PDE1C: variants seen among roughly 807,000 people sequenced by gnomAD.
PDE1C encodes the protein phosphodiesterase 1C.
PDE1C carries 62 observed loss-of-function variants against 93.1 expected under a neutral mutation model. The observed-to-expected ratio is 0.67, with a 90% CI of 0.54 to 0.82. The LOEUF (loss-of-function observed/expected upper bound fraction) is 0.82. Ranked by LOEUF, PDE1C falls within the 40% of genes least tolerant of loss-of-function variation. PDE1C has a pLI of 0.00. For synonymous variants in PDE1C, 325 were observed against 310.1 expected (o/e 1.05, Z -0.50); for missense variants, 742 against 884.6 (o/e 0.84, Z 2.04).
At chr7:31,767,361 CT>C (rs1280066984) in intron 17 of PDE1C, among the ~76,000 whole-genome samples, 1 of 152,088 alleles carries the variant, frequency 6.6e-6, no homozygotes, top group East Asian at 1.9e-4. Flanking sequence ...AGATTTCCCC[CT>C]GGTACTGTTC....
intron 14 of PDE1C, among the ~76,000 whole-genome samples, chr7:31,819,465 A>C (rs1788685864): frequency 6.6e-6 from 1 of 152,080 alleles, no homozygotes; most frequent in South Asian, 2.1e-4. Context: ...TATACAGAGA[A>C]TTCACTTTTC....
chr7:32,237,742 G>GTATGTA (rs1554293053), intron 1 of PDE1C, among the ~76,000 whole-genome samples: 1,246 of 31,392 alleles, frequency 0.04, 193 homozygotes, highest in African/African-American at 0.15. Flanking sequence ...TTGGCTCTGT[G>GTATGTA]TATATATATA....
chr7:32,260,866 A>G (rs1178496218), intron 1 of PDE1C, among the ~76,000 whole-genome samples: 1 of 152,240 alleles, frequency 6.6e-6, no homozygotes, highest in East Asian at 1.9e-4. Context: ...CATGCCTGTA[A>G]TCCCAGCACT....
chr7:31,986,120 T>C (rs1386135511), intron 2 of PDE1C, among the ~76,000 whole-genome samples: 3 of 152,160 alleles, frequency 2.0e-5, no homozygotes, highest in Non-Finnish European at 4.4e-5. Flanking sequence ...AAATTTATTC[T>C]TGCACAGTTC....
At chr7:31,897,555 C>A (rs1799462355) in intron 2 of PDE1C, among the ~76,000 whole-genome samples, 1 of 152,166 alleles carries the variant, frequency 6.6e-6, no homozygotes, top group Non-Finnish European at 1.5e-5. Flanking sequence ...TGACATACTT[C>A]ACTTTTACCT....
At chr7:32,006,367 A>G (rs533383763) in intron 2 of PDE1C, among the ~76,000 whole-genome samples, 6 of 152,304 alleles carry the variant, frequency 3.9e-5, no homozygotes, top group Admixed American at 6.5e-5. Context: ...CTTAAAATAG[A>G]AAATCCTCCC....
chr7:31,728,302 T>C, the PDE1C span, among the ~76,000 whole-genome samples: 1 of 152,098 alleles, frequency 6.6e-6, no homozygotes, highest in African/African-American at 2.4e-5. Context: ...ATTTGTCCTC[T>C]GGGAAAGAAA....
chr7:31,754,110 C>A lies in PDE1C; in HGVS notation c.1961-557G>T, dbSNP rs552957928. The stretch of plus-strand genomic sequence containing the variant: ...CAAAACATCTGAACAGACTTCACAC[C>A]AAGGAAGATGTATGTGTCAAATAAG... On this transcript the variant is annotated intron_variant, in intron 17 of 17. Transcript: ENST00000396191. Among the ~76,000 whole-genome samples the A allele has an allele frequency of 7.2e-5, 11 of 152,188 alleles. No homozygotes were observed. In the South Asian group the frequency reaches 2.3e-3, roughly 32 times the overall value.
the PDE1C span, among the ~76,000 whole-genome samples, chr7:31,725,494 T>TAGAC: frequency 6.6e-6 from 1 of 152,180 alleles, no homozygotes; most frequent in Non-Finnish European, 1.5e-5. Context: ...ACCCCAAACA[T>TAGAC]AGACCCTGGG....
intron 2 of PDE1C, among the ~76,000 whole-genome samples, chr7:32,014,643 T>C (rs976100068): frequency 6.6e-6 from 1 of 152,082 alleles, no homozygotes; most frequent in Non-Finnish European, 1.5e-5. Context: ...CCAGTATGTG[T>C]TGTTCCCCTC....
Position 32,143,980 on chromosome 7 carries a change from G to A in PDE1C, c.308+25805C>T, listed in dbSNP as rs144126354. Reference sequence around the variant, plus strand: ...GAAGGCACTGGGGATATCTGACCCAGACCTGGACAGATAAATAGAATGCTG... The same window carrying A: ...GAAGGCACTGGGGATATCTGACCCAAACCTGGACAGATAAATAGAATGCTG... On this transcript the variant is annotated intron_variant, in intron 3 of 18. Coordinates refer to the PDE1C transcript ENST00000396193. 8.2e-3 allele frequency among the ~76,000 whole-genome samples: 1,250 copies of A among 152,282 alleles called. 10 individuals are homozygous for A. Among genetic ancestry groups the A allele is most frequent in the Non-Finnish European group, 0.012 (824 of 68,030 alleles).
At chr7:32,358,855 A>G (rs1784079032) in intron 1 of PDE1C, among the ~76,000 whole-genome samples, 2 of 78,880 alleles carry the variant, frequency 2.5e-5, no homozygotes, top group South Asian at 6.2e-4. Flanking sequence ...TCTCCATAGC[A>G]TACCTCATCA....
At chr7:32,279,728 A>G (rs941419493) in intron 1 of PDE1C, among the ~76,000 whole-genome samples, 3 of 152,158 alleles carry the variant, frequency 2.0e-5, no homozygotes, top group African/African-American at 7.2e-5. Context: ...AAGAGCAAAT[A>G]TAATAATTAT....
At chr7:32,323,615 A>G (rs549584958) in intron 1 of PDE1C, among the ~76,000 whole-genome samples, 1 of 152,198 alleles carries the variant, frequency 6.6e-6, no homozygotes, top group Non-Finnish European at 1.5e-5. Context: ...GCAAATGGAG[A>G]TGTCAACCAC....
intron 17 of PDE1C, among the ~76,000 whole-genome samples, chr7:31,766,941 T>C (rs916555351): frequency 6.6e-6 from 1 of 152,222 alleles, no homozygotes; most frequent in Non-Finnish European, 1.5e-5. Context: ...GCAAACCTAA[T>C]GTATGGCAAA....
chr7:31,813,069 T>TA (rs1787746160), intron 15 of PDE1C, among the ~76,000 whole-genome samples: 1 of 152,200 alleles, frequency 6.6e-6, no homozygotes, highest in Non-Finnish European at 1.5e-5. Context: ...CAATGTCTGA[T>TA]ACATGTTAAG....
chr7:31,832,340 C>T (rs892613462), intron 11 of PDE1C, among the ~76,000 whole-genome samples: 2 of 152,188 alleles, frequency 1.3e-5, no homozygotes, highest in Admixed American at 1.3e-4. Flanking sequence ...TGAACTTATA[C>T]TTCTTTAAAG....
chr7:31,930,446 G>A (rs1308317725), intron 2 of PDE1C, among the ~76,000 whole-genome samples: 4 of 152,060 alleles, frequency 2.6e-5, no homozygotes, highest in Non-Finnish European at 5.9e-5. Flanking sequence ...ACCTGGCAGA[G>A]ACACAACAAA....
chr7:31,997,702 T>C (rs1036112687), intron 2 of PDE1C, among the ~76,000 whole-genome samples: 1 of 152,184 alleles, frequency 6.6e-6, no homozygotes, highest in Non-Finnish European at 1.5e-5. Flanking sequence ...TGTCAAGCAG[T>C]GGGATTACCA....
Sources: gnomAD v4.1 joint callset for allele counts (sites outside exome capture counted in the v4.1 genomes callset) on GRCh38, gnomAD v4.1.1 for gene constraint, MANE v1.5 for transcripts, NCBI Gene and HGNC (gene_info 2026-07-23, HGNC 2026-07-21) for gene names.